ARB2A: variants seen among roughly 807,000 people sequenced by gnomAD.
ARB2A encodes the protein cotranscriptional regulator ARB2A.
the ARB2A span, among the ~76,000 whole-genome samples, chr5:93,777,563 A>T: frequency 6.6e-6 from 1 of 151,714 alleles, no homozygotes; most frequent in South Asian, 2.1e-4. Context: ...ACTCTCACAC[A>T]CACAATGAAT....
chr5:93,786,066 T>G, the ARB2A span, among the ~76,000 whole-genome samples: 1 of 152,178 alleles, frequency 6.6e-6, no homozygotes, highest in African/African-American at 2.4e-5. Flanking sequence ...TCTAGACCAA[T>G]TGTTGCTGAA....
chr5:93,658,986 C>T, the ARB2A span, among the ~76,000 whole-genome samples: 12 of 151,790 alleles, frequency 7.9e-5, no homozygotes, highest in Admixed American at 2.6e-4. Flanking sequence ...CTAAGATACA[C>T]GGCATAAAAA....
the ARB2A span, among the ~76,000 whole-genome samples, chr5:93,886,744 C>A: frequency 6.6e-6 from 1 of 151,606 alleles, no homozygotes; most frequent in Non-Finnish European, 1.5e-5. Flanking sequence ...AAGACGTGAC[C>A]TGGGACTGAA....
At chr5:93,709,476 TA>T in the ARB2A span, among the ~76,000 whole-genome samples, 6 of 151,196 alleles carry the variant, frequency 4.0e-5, no homozygotes, top group Admixed American at 1.3e-4. Flanking sequence ...CTATTAAAAA[TA>T]CAAAAATTAG....
chr5:94,073,143 G>A, the ARB2A span, among the ~76,000 whole-genome samples: 3 of 152,062 alleles, frequency 2.0e-5, no homozygotes, highest in African/African-American at 4.8e-5. Context: ...ATCATAGCTC[G>A]GTTTTGAATA....
At chr5:93,624,255 G>A in the ARB2A span, among the ~76,000 whole-genome samples, 1 of 152,124 alleles carries the variant, frequency 6.6e-6, no homozygotes, top group African/African-American at 2.4e-5. Context: ...AAATCACAGG[G>A]AAACTAGTTT....
the ARB2A span, chr5:93,862,284 A>T: frequency 6.6e-6 from 1 of 152,186 alleles, no homozygotes; most frequent in Non-Finnish European, 1.5e-5. Flanking sequence ...CCACATCACA[A>T]TAGCAGCAAA....
the ARB2A span, among the ~76,000 whole-genome samples, chr5:94,066,900 C>G: frequency 6.6e-6 from 1 of 152,026 alleles, no homozygotes; most frequent in Admixed American, 6.5e-5. Context: ...AAGAAAACTT[C>G]GGGCCAATAT....
the ARB2A span, among the ~76,000 whole-genome samples, chr5:93,803,953 G>C: frequency 3.3e-5 from 5 of 151,902 alleles, no homozygotes; most frequent in African/African-American, 4.8e-5. Flanking sequence ...GAGAAATAGT[G>C]ATTCAGAGCT....
At chr5:93,988,345 T>C in the ARB2A span, among the ~76,000 whole-genome samples, 1 of 152,188 alleles carries the variant, frequency 6.6e-6, no homozygotes, top group East Asian at 1.9e-4. Context: ...CTATTTCTCA[T>C]ATTTAATCCT....
At chr5:93,917,675 C>T in the ARB2A span, among the ~76,000 whole-genome samples, 1 of 151,916 alleles carries the variant, frequency 6.6e-6, no homozygotes, top group Non-Finnish European at 1.5e-5. Flanking sequence ...TCCAGGAGTT[C>T]GAGACCAGCC....
the ARB2A span, among the ~76,000 whole-genome samples, chr5:93,935,028 AG>A: frequency 1.3e-5 from 2 of 152,160 alleles, no homozygotes; most frequent in African/African-American, 4.8e-5. Flanking sequence ...CTAAGCTAGG[AG>A]GACGCAAAGG....
the ARB2A span, among the ~76,000 whole-genome samples, chr5:93,801,601 T>C: frequency 6.6e-6 from 1 of 152,274 alleles, no homozygotes; most frequent in Admixed American, 6.5e-5. Flanking sequence ...TTTACATGTA[T>C]ATAAAAGCAC....
At chr5:93,817,797 C>T in the ARB2A span, among the ~76,000 whole-genome samples, 1 of 152,018 alleles carries the variant, frequency 6.6e-6, no homozygotes, top group East Asian at 1.9e-4. Context: ...CCTTACCTCA[C>T]ACAATATACA....
At chr5:93,672,342 T>A in the ARB2A span, among the ~76,000 whole-genome samples, 2 of 151,938 alleles carry the variant, frequency 1.3e-5, no homozygotes, top group Non-Finnish European at 2.9e-5. Flanking sequence ...AGATGGAGTC[T>A]CGCTGTCACG....
At chr5:93,656,530 C>G in the ARB2A span, among the ~76,000 whole-genome samples, 1 of 152,168 alleles carries the variant, frequency 6.6e-6, no homozygotes, top group Non-Finnish European at 1.5e-5. Context: ...AAAGCTCTAT[C>G]TCTATTCCAT....
the ARB2A span, among the ~76,000 whole-genome samples, chr5:93,864,874 G>A: frequency 6.6e-5 from 10 of 152,138 alleles, no homozygotes; most frequent in South Asian, 4.2e-4. Flanking sequence ...TATGAATATC[G>A]TAGCCTCCCT....
chr5:93,817,749 T>C, the ARB2A span, among the ~76,000 whole-genome samples: 1 of 152,110 alleles, frequency 6.6e-6, no homozygotes, highest in East Asian at 1.9e-4. Flanking sequence ...GGTGCTGGGA[T>C]TAACTAAATA....
the ARB2A span, among the ~76,000 whole-genome samples, chr5:93,985,773 C>A: frequency 6.6e-6 from 1 of 152,182 alleles, no homozygotes; most frequent in Non-Finnish European, 1.5e-5. Flanking sequence ...CGGCTGGCTA[C>A]AACCTCCACC....
Sources: gnomAD v4.1 joint callset for allele counts (sites outside exome capture counted in the v4.1 genomes callset) on GRCh38, gnomAD v4.1.1 for gene constraint, MANE v1.5 for transcripts, NCBI Gene and HGNC (gene_info 2026-07-23, HGNC 2026-07-21) for gene names.